The following STX1B variants were observed in gnomAD, a reference collection of about 807,000 sequenced individuals.
STX1B encodes syntaxin-1B.
A neutral mutation model predicts 39.4 loss-of-function variants in STX1B; 7 were observed. The ratio of observed to expected loss-of-function variants is 0.18; its 90% CI spans 0.10 to 0.33. The LOEUF is 0.33. Among genes scored for constraint, STX1B ranks in the 10% least tolerant of loss-of-function variants. The probability of loss-of-function intolerance (pLI) is 1.00; values close to 1 mark genes in which losing one functional copy is unlikely to be tolerated. For missense variants in STX1B, 198 were observed against 383.2 expected (o/e 0.52, Z 4.04); for synonymous variants, 136 against 144.1 (o/e 0.94, Z 0.40).
At position 30,993,260 on chromosome 16, in the gene STX1B, G is replaced by A; in HGVS notation, c.676-20C>T. On this transcript the variant is annotated intron_variant, in intron 8 of 9. Coordinates refer to ENST00000215095, the MANE Select transcript of STX1B (RefSeq NM_052874.5). The stretch of plus-strand genomic sequence containing the variant: ...CTCTCCCTGCAGACAGAGGAGACAT[G>A]CACAGGGAGGGATGGGGGCTGGGCT... 1 of 1,613,694 alleles carries A rather than the reference G, an allele frequency of 6.2e-7. No individual in the cohort carries two copies. The highest frequency in any genetic ancestry group is 1.1e-5 in the South Asian group (1 of 91,082).
intron 4 of STX1B, among the ~76,000 whole-genome samples, chr16:30,998,687 A>T (rs2056608442): frequency 6.6e-6 from 1 of 152,216 alleles, no homozygotes; most frequent in Non-Finnish European, 1.5e-5. Context: ...GAGGACTAAG[A>T]GAATCCTCTC....
At chr16:30,996,839 C>G in intron 6 of STX1B, 83 bp from the exon 7 acceptor site, 1 of 1,573,338 alleles carries the variant, frequency 6.4e-7, no homozygotes, top group South Asian at 1.1e-5. Context: ...GACCTGGGGC[C>G]CACCCTCCCA....
At chr16:31,008,700 T>C (rs935037011) in intron 1 of STX1B, among the ~76,000 whole-genome samples, 1 of 152,152 alleles carries the variant, frequency 6.6e-6, no homozygotes, top group African/African-American at 2.4e-5. Context: ...GATGAAAGCC[T>C]GCTCTGCAAA....
rs150313069 is a variant in STX1B at position 30,992,851 on chromosome 16, C to T, written c.837G>A (p.Ala279=). 6.5e-4 allele frequency: 1,057 copies of T among 1,613,830 alleles called. No individual in the cohort carries two copies. The highest frequency in any genetic ancestry group is 1.3e-3 in the African/African-American group (101 of 74,978). The stretch of plus-strand genomic sequence containing the variant: ...AGCCCAGCGTCCCCCCAATGGATGA[C>T]GCCAAGACCACCCCCAGCACCACAC... ...ICCVVLGVVL[A]SSIGGTLGL is the part of the protein sequence containing the mutation. Residue 279 remains alanine (A), a synonymous_variant, in exon 10 of 10, where the codon GCG becomes GCA. Coordinates refer to ENST00000215095, the MANE Select transcript of STX1B (RefSeq NM_052874.5).
rs1343085607 is a variant in STX1B, at chr16:30,996,676, G to T, written c.537+7C>A. ...CAAAAGCAGAGCCCGCCCCACCCGC[G>T]GCTCACGTCATCTGTGAAGATGGCC... On this transcript the variant is annotated splice_region_variant and intron_variant, in intron 7 of 9. Transcript: ENST00000215095. The T allele has an allele frequency of 6.2e-7, 1 of 1,612,722 alleles. No individual in the cohort carries two copies.
In STX1B at chr16:30,993,335, C is replaced by A; in HGVS notation, c.675+12G>T. ...GAGGCTCCCAGAGTGGCATGGGTGGCAGAGCCAGTACCTGGCTCTCTACGA... is the reference window on the plus strand; with the variant it reads ...GAGGCTCCCAGAGTGGCATGGGTGGAAGAGCCAGTACCTGGCTCTCTACGA... On this transcript the variant is annotated intron_variant, in intron 8 of 9. Coordinates refer to ENST00000215095, the MANE Select transcript of STX1B (RefSeq NM_052874.5). 6.2e-7 allele frequency: 1 copy of A among 1,613,920 alleles called. No homozygotes were observed. Among genetic ancestry groups the A allele is most frequent in the Non-Finnish European group, 8.5e-7 (1 of 1,179,800 alleles).
chr16:31,004,491 T>C (rs2056646444), intron 1 of STX1B, among the ~76,000 whole-genome samples: 4 of 151,970 alleles, frequency 2.6e-5, no homozygotes, highest in Admixed American at 2.6e-4. Context: ...CTGGGCAACA[T>C]AGCAAGATCA....
At chr16:30,996,485 C>A (rs933150150) in intron 7 of STX1B, 198 bp downstream of exon 7, 3 of 586,582 alleles carry the variant, frequency 5.1e-6, no homozygotes, top group Non-Finnish European at 3.0e-6. Context: ...GTGCTTAGAA[C>A]AGTGCCTGGC....
At position 30,993,246 on chromosome 16, in the gene STX1B, G is replaced by A. The variant is rs1041474375; in HGVS notation, c.676-6C>T. 3 of 1,613,676 alleles carry A rather than the reference G, an allele frequency of 1.9e-6. No homozygotes were observed. In the African/African-American group the frequency reaches 4.0e-5, roughly 22 times the overall value. ...ATGCGGTCAATCATCTCTCCCTGCA[G>A]ACAGAGGAGACATGCACAGGGAGGG... On this transcript the variant is annotated splice_region_variant and splice_polypyrimidine_tract_variant and intron_variant, in intron 8 of 9. Coordinates refer to ENST00000215095, the MANE Select transcript of STX1B (RefSeq NM_052874.5).
In STX1B at chr16:31,001,853, C is replaced by T. The variant is rs1010675216; in HGVS notation, c.31-250G>A. ...CTCAGGGTGGATGTGGCCTTGGGGGCGCAGAGCCAGCCTTGACCAGCCAAT... is the reference window on the plus strand; with the variant it reads ...CTCAGGGTGGATGTGGCCTTGGGGGTGCAGAGCCAGCCTTGACCAGCCAAT... On this transcript the variant is annotated intron_variant, in intron 1 of 9. Transcript: ENST00000215095. The surrounding 1 kb of genome is among the most constrained non-coding windows in gnomAD (Gnocchi z 5.5). Among the ~76,000 whole-genome samples, 4 of 152,134 alleles carry T rather than the reference C, an allele frequency of 2.6e-5. No homozygotes were observed. Among genetic ancestry groups the T allele is most frequent in the Non-Finnish European group, 5.9e-5 (4 of 68,002 alleles).
chr16:30,993,033 C>A (rs1567376602), intron 9 of STX1B, 97 bp downstream of exon 9: 1 of 1,374,712 alleles, frequency 7.3e-7, no homozygotes, highest in Non-Finnish European at 1.0e-6. Context: ...GAGGTCAGAG[C>A]CAGAGATAAG....
At chr16:30,998,664 C>G (rs2056608255) in intron 4 of STX1B, among the ~76,000 whole-genome samples, 3 of 152,338 alleles carry the variant, frequency 2.0e-5, no homozygotes, top group Admixed American at 1.3e-4. Context: ...TGAGCTCATG[C>G]CACCAGCTGG....
At position 31,001,012 on chromosome 16, in the gene STX1B, G is replaced by A. The variant is rs773651424; in HGVS notation, c.206-10C>T. ...AGCTCCTGTTTGGTCTCTGAGGGGA[G>A]GGCGAGGGCAAGTGAGATGTCTGGG... On this transcript the variant is annotated splice_polypyrimidine_tract_variant and intron_variant, in intron 3 of 9. Coordinates refer to ENST00000215095, the MANE Select transcript of STX1B (RefSeq NM_052874.5). This position sits in a 1 kb window ranked among gnomAD's most constrained non-coding sequence, Gnocchi z 5.5. 45 of 1,614,030 alleles carry A rather than the reference G, an allele frequency of 2.8e-5. No individual in the cohort carries two copies. Among genetic ancestry groups the A allele is most frequent in the African/African-American group, 9.3e-5 (7 of 74,920 alleles).
In STX1B at chr16:31,001,001, C is replaced by T; in HGVS notation, c.207G>A (p.Lys69=). 1 of 1,614,210 alleles carries T rather than the reference C, an allele frequency of 6.2e-7. No homozygotes were observed. Among genetic ancestry groups the T allele is most frequent in the Non-Finnish European group, 8.5e-7 (1 of 1,180,036 alleles). ...TGAGATCCTCCAGCTCCTGTTTGGTCTCTGAGGGGAGGGCGAGGGCAAGTG... is the reference window on the plus strand; with the variant it reads ...TGAGATCCTCCAGCTCCTGTTTGGTTTCTGAGGGGAGGGCGAGGGCAAGTG... ...AILAAPNPDE[K]TKQELEDLTA... Residue 69 remains lysine (K), a splice_region_variant and synonymous_variant, in exon 4 of 10, where the codon AAG becomes AAA. Coordinates refer to ENST00000215095, the MANE Select transcript of STX1B (RefSeq NM_052874.5). This position sits in a 1 kb window ranked among gnomAD's most constrained non-coding sequence, Gnocchi z 5.5.
chr16:30,994,291 CAA>C lies in STX1B; in HGVS notation c.538-809_538-808del, dbSNP rs59732057. On this transcript the variant is annotated intron_variant, in intron 7 of 9. Transcript: ENST00000215095. ...TGAGCCACAGAGCGAGACTCCGTCT[CAA>C]AAAAAAAAAAAAGAGTCAGTAGGGA... Among the ~76,000 whole-genome samples the C allele has an allele frequency of 1.5e-3, 198 of 134,612 alleles. 2 individuals are homozygous for C. Among genetic ancestry groups the C allele is most frequent in the Non-Finnish European group, 1.5e-3 (95 of 62,374 alleles). 88.3% of individuals were successfully genotyped at this position (134,612 alleles called of 152,430 possible).
At chr16:31,000,827 G>A (rs2056622780) in intron 4 of STX1B, 101 bp downstream of exon 4, 5 of 1,185,058 alleles carry the variant, frequency 4.2e-6, no homozygotes, top group African/African-American at 1.5e-5. Flanking sequence ...TTGAACTCCT[G>A]GGATTGAGCA....
Position 31,001,751 on chromosome 16 carries a change from C to T in STX1B, c.31-148G>A, listed in dbSNP as rs776086857. 4.9e-6 allele frequency: 3 copies of T among 616,290 alleles called. No individual in the cohort carries two copies. Among genetic ancestry groups the T allele is most frequent in the African/African-American group, 1.9e-5 (1 of 53,778 alleles). The allele number at this position is 616,290 out of a possible 1,614,324, so 38.2% of individuals were successfully genotyped here. A position where few individuals can be genotyped will look rare whatever the true frequency, so the allele number is the denominator to read the frequency against. On this transcript the variant is annotated intron_variant, in intron 1 of 9. Transcript: ENST00000215095. This position sits in a 1 kb window ranked among gnomAD's most constrained non-coding sequence, Gnocchi z 5.5. ...GAGGGGTCCTGGGAGGGGTCCCATG[C>T]AGGGTAGATGGCAAAGGCACCAAAA...
rs760541118 is a variant in STX1B, at chr16:31,001,028, G to A, written c.206-26C>T. ...CTGAGGGGAGGGCGAGGGCAAGTGAGATGTCTGGGTGGGAACCCCAGGCCC... is the reference window on the plus strand; with the variant it reads ...CTGAGGGGAGGGCGAGGGCAAGTGAAATGTCTGGGTGGGAACCCCAGGCCC... On this transcript the variant is annotated intron_variant, in intron 3 of 9. Transcript: ENST00000215095. This position sits in a 1 kb window ranked among gnomAD's most constrained non-coding sequence, Gnocchi z 5.5. 6.2e-7 allele frequency: 1 copy of A among 1,614,168 alleles called. No homozygotes were observed. The highest frequency in any genetic ancestry group is 1.1e-5 in the South Asian group (1 of 91,086).
In STX1B at chr16:31,001,619, G is replaced by T; in HGVS notation, c.31-16C>A. The T allele has an allele frequency of 6.2e-7, 1 of 1,610,160 alleles. No homozygotes were observed. ...TGTCTTTCGCCTGGGGACAAGGAAG[G>T]CTGAGTCCATGAGCAGGCCCTACCT... On this transcript the variant is annotated splice_polypyrimidine_tract_variant and intron_variant, in intron 1 of 9. Coordinates refer to ENST00000215095, the MANE Select transcript of STX1B (RefSeq NM_052874.5). The surrounding 1 kb of genome is among the most constrained non-coding windows in gnomAD (Gnocchi z 5.5).
Sources: gnomAD v4.1 joint callset for allele counts (sites outside exome capture counted in the v4.1 genomes callset) on GRCh38, gnomAD v4.1.1 for gene constraint, Gnocchi (gnomAD v3.1) non-coding constraint, MANE v1.5 for transcripts, NCBI Gene and HGNC (gene_info 2026-07-23, HGNC 2026-07-21) for gene names.